The following TSPAN2 variants were observed in gnomAD, a reference collection of about 807,000 sequenced individuals.
The protein encoded by TSPAN2 is tetraspanin 2, also known as tetraspanin-2.
A neutral mutation model predicts 33.3 loss-of-function variants in TSPAN2; 24 were observed. That is an observed-to-expected ratio of 0.72 (90% CI 0.52 to 1.01). The LOEUF (loss-of-function observed/expected upper bound fraction) is 1.01, where lower values mean the gene tolerates loss of function less well. Ranked by LOEUF, TSPAN2 falls within the 50% of genes least tolerant of loss-of-function variation. The pLI is 0.00. For synonymous variants in TSPAN2, 114 were observed against 104.5 expected, an observed-to-expected ratio of 1.09 and a Z score of -0.56; for missense variants, 278 against 281.3, an observed-to-expected ratio of 0.99 and a Z score of 0.08.
At chr1:115,052,151 C>A (rs917151549) in intron 7 of TSPAN2, among the ~76,000 whole-genome samples, 1 of 152,192 alleles carries the variant, frequency 6.6e-6, no homozygotes, top group East Asian at 1.9e-4. Context: ...GCCAGGCTAT[C>A]CCCAGAGCAG....
At chr1:115,072,733 C>A (rs1043968379) in intron 2 of TSPAN2, among the ~76,000 whole-genome samples, 172 bp downstream of exon 2, 1 of 152,142 alleles carries the variant, frequency 6.6e-6, no homozygotes, top group African/African-American at 2.4e-5. Context: ...CTCCAGCAGA[C>A]AACTCGGAGG....
chr1:115,049,955 T>C lies in TSPAN2; in HGVS notation c.*535A>G, dbSNP rs1439292710. ...CTGTATTCTGGGGAGAGCATGTATATAAAAAAACCCAGGAAACCCTTACAC... is the reference window on the plus strand; with the variant it reads ...CTGTATTCTGGGGAGAGCATGTATACAAAAAAACCCAGGAAACCCTTACAC... On this transcript the variant is annotated 3_prime_UTR_variant, in exon 8 of 8. Transcript: ENST00000369516. 6.3e-6 allele frequency: 1 copy of C among 157,544 alleles called. No individual in the cohort carries two copies. The highest frequency in any genetic ancestry group is 2.4e-5 in the African/African-American group (1 of 41,394). 9.8% of individuals were successfully genotyped at this position (157,544 alleles called of 1,614,324 possible).
intron 1 of TSPAN2, among the ~76,000 whole-genome samples, chr1:115,089,024 A>ACCTCCAGGGC (rs5777213): frequency 6.6e-6 from 1 of 151,954 alleles, no homozygotes; most frequent in Admixed American, 6.5e-5. Context: ...GGGAACAGGG[A>ACCTCCAGGGC]CCCAAGTCCT....
chr1:115,053,522 G>T, intron 6 of TSPAN2, 60 bp from the exon 7 acceptor site: 1 of 1,390,172 alleles, frequency 7.2e-7, no homozygotes, highest in South Asian at 1.2e-5. Context: ...TCATTATCCT[G>T]ATCCTATCCT....
intron 1 of TSPAN2, among the ~76,000 whole-genome samples, chr1:115,089,031 TC>T (rs1648953105): frequency 1.8e-5 from 1 of 55,676 alleles, no homozygotes; most frequent in Non-Finnish European, 3.8e-5. Flanking sequence ...GGGACCCAAG[TC>T]CTCCGGAGGT....
At chr1:115,054,397 A>G (rs1055819582) in intron 6 of TSPAN2, among the ~76,000 whole-genome samples, 1 of 152,186 alleles carries the variant, frequency 6.6e-6, no homozygotes. Context: ...ATGCAGAGAC[A>G]ATAGGATATG....
At chr1:115,074,564 A>T (rs527531442) in intron 1 of TSPAN2, among the ~76,000 whole-genome samples, 4 of 152,350 alleles carry the variant, frequency 2.6e-5, no homozygotes, top group Admixed American at 1.3e-4. Context: ...CTGCATTTAA[A>T]AAAAGGGTGG....
intron 1 of TSPAN2, among the ~76,000 whole-genome samples, chr1:115,086,945 T>C (rs1016271039): frequency 3.3e-5 from 5 of 151,966 alleles, no homozygotes; most frequent in African/African-American, 1.2e-4. Context: ...GAGATGGAGT[T>C]TCGCTCTTGT....
intron 1 of TSPAN2, among the ~76,000 whole-genome samples, chr1:115,084,886 G>A (rs946557766): frequency 2.0e-5 from 3 of 152,214 alleles, no homozygotes; most frequent in African/African-American, 4.8e-5. Flanking sequence ...TAATAATGGT[G>A]AGAAGGAAAG....
At chr1:115,087,134 G>C (rs187966151) in intron 1 of TSPAN2, among the ~76,000 whole-genome samples, 1 of 151,814 alleles carries the variant, frequency 6.6e-6, no homozygotes, top group Non-Finnish European at 1.5e-5. Flanking sequence ...GGCCAGGCTG[G>C]TCTCGAACTC....
At chr1:115,071,440 A>G (rs1300701599) in intron 2 of TSPAN2, among the ~76,000 whole-genome samples, 2 of 152,234 alleles carry the variant, frequency 1.3e-5, no homozygotes, top group Admixed American at 6.5e-5. Context: ...CACTGAAGAC[A>G]GCAGAGAGGG....
At chr1:115,052,609 A>T (rs920479297) in intron 7 of TSPAN2, among the ~76,000 whole-genome samples, 8 of 151,476 alleles carry the variant, frequency 5.3e-5, no homozygotes, top group Non-Finnish European at 1.2e-4. Context: ...ACCTCTCGCA[A>T]CTCCTGCCAT....
At chr1:115,088,733 C>T (rs537637944) in intron 1 of TSPAN2, among the ~76,000 whole-genome samples, 1 of 152,212 alleles carries the variant, frequency 6.6e-6, no homozygotes, top group Admixed American at 6.5e-5. Context: ...CCCTTCCATT[C>T]CCCATCCCCT....
At chr1:115,062,033 T>C (rs1241995286) in intron 3 of TSPAN2, 102 bp downstream of exon 3, 7 of 948,184 alleles carry the variant, frequency 7.4e-6, no homozygotes, top group Non-Finnish European at 1.1e-5. Context: ...GCTCAGAGAG[T>C]CCACGGAGGA....
intron 1 of TSPAN2, among the ~76,000 whole-genome samples, chr1:115,077,554 CAGA>C (rs1247174620): frequency 2.6e-5 from 4 of 152,070 alleles, no homozygotes; most frequent in African/African-American, 7.2e-5. Flanking sequence ...ACTCAAGAAA[CAGA>C]AGAAGGACTG....
rs1675274885 is a variant in TSPAN2 at position 115,050,193 on chromosome 1, T to C, written c.*297A>G. ...CTTTTTTTTCTGGGAGCGAAATAGG[T>C]TGTTCTTCTTATATAACAAGAATCA... On this transcript the variant is annotated 3_prime_UTR_variant, in exon 8 of 8. Coordinates refer to ENST00000369516, the MANE Select transcript of TSPAN2 (RefSeq NM_005725.6). 2.9e-6 allele frequency: 1 copy of C among 347,082 alleles called. No individual in the cohort carries two copies. Among genetic ancestry groups the C allele is most frequent in the South Asian group, 3.5e-5 (1 of 28,652 alleles). 21.5% of individuals were successfully genotyped at this position (347,082 alleles called of 1,614,324 possible).
At chr1:115,062,908 C>T (rs1647791752) in intron 2 of TSPAN2, among the ~76,000 whole-genome samples, 1 of 152,138 alleles carries the variant, frequency 6.6e-6, no homozygotes, top group Non-Finnish European at 1.5e-5. Context: ...TAGTAGGAGC[C>T]ACAGGCGAGG....
chr1:115,076,517 G>A (rs1490360617), intron 1 of TSPAN2, among the ~76,000 whole-genome samples: 1 of 152,182 alleles, frequency 6.6e-6, no homozygotes, highest in Admixed American at 6.5e-5. Context: ...GACACCAGGG[G>A]AGTGGACGTG....
intron 1 of TSPAN2, among the ~76,000 whole-genome samples, chr1:115,073,980 C>A (rs1648294916): frequency 6.6e-6 from 1 of 152,220 alleles, no homozygotes; most frequent in African/African-American, 2.4e-5. Context: ...AATCCATCAA[C>A]AGATATTTAC....
Sources: allele counts gnomAD v4.1 joint callset (sites outside exome capture counted in the v4.1 genomes callset), GRCh38; gene constraint gnomAD v4.1.1; transcripts MANE v1.5; gene names NCBI Gene and HGNC (gene_info 2026-07-23, HGNC 2026-07-21).